ENTREP2: variants seen among roughly 807,000 people sequenced by gnomAD.
ENTREP2 encodes protein ENTREP2.
the ENTREP2 span, among the ~76,000 whole-genome samples, chr15:29,488,911 G>A: frequency 6.6e-6 from 1 of 152,138 alleles, no homozygotes; most frequent in Non-Finnish European, 1.5e-5. Context: ...TCAGAAACAG[G>A]TAACAATCCA....
chr15:29,672,334 T>C, the ENTREP2 span, among the ~76,000 whole-genome samples: 4 of 152,326 alleles, frequency 2.6e-5, no homozygotes, highest in Admixed American at 2.0e-4. Context: ...CACAATGGCA[T>C]GTACAATTTT....
chr15:29,534,975 G>A, the ENTREP2 span, among the ~76,000 whole-genome samples: 3 of 152,208 alleles, frequency 2.0e-5, no homozygotes, highest in Non-Finnish European at 4.4e-5. Context: ...GCCAGGCATG[G>A]TGGCTCACGC....
the ENTREP2 span, among the ~76,000 whole-genome samples, chr15:29,368,327 C>CAAAAA: frequency 7.2e-6 from 1 of 139,078 alleles, no homozygotes; most frequent in South Asian, 2.3e-4. Context: ...GACTCCATCT[C>CAAAAA]AAAAAAAAAA....
the ENTREP2 span, among the ~76,000 whole-genome samples, chr15:29,431,457 T>C: frequency 6.6e-6 from 1 of 151,926 alleles, no homozygotes; most frequent in Admixed American, 6.5e-5. Context: ...TTAAATTATA[T>C]TTAAATTAAT....
At chr15:29,158,678 C>T in the ENTREP2 span, among the ~76,000 whole-genome samples, 1 of 152,060 alleles carries the variant, frequency 6.6e-6, no homozygotes, top group Admixed American at 6.5e-5. Context: ...CTGAAATCCA[C>T]ATTCTATAAA....
the ENTREP2 span, among the ~76,000 whole-genome samples, chr15:29,394,880 C>CAT: frequency 1.5e-5 from 1 of 68,942 alleles, no homozygotes; most frequent in African/African-American, 5.0e-5. Flanking sequence ...GTGTCAGAAT[C>CAT]TCTTTTTTTT....
the ENTREP2 span, among the ~76,000 whole-genome samples, chr15:29,304,504 G>A: frequency 2.0e-5 from 3 of 152,048 alleles, no homozygotes; most frequent in African/African-American, 7.2e-5. Flanking sequence ...AAAACCATAC[G>A]ACTACATGGC....
chr15:29,673,276 C>A, the ENTREP2 span, among the ~76,000 whole-genome samples: 2 of 152,112 alleles, frequency 1.3e-5, no homozygotes, highest in African/African-American at 4.8e-5. Flanking sequence ...TCAGCAAGGT[C>A]TTTATGACCT....
chr15:29,293,427 T>C, the ENTREP2 span, among the ~76,000 whole-genome samples: 34 of 151,550 alleles, frequency 2.2e-4, no homozygotes, highest in East Asian at 6.4e-3. Flanking sequence ...TTTTGTATTT[T>C]TTTTTTTTTT....
the ENTREP2 span, among the ~76,000 whole-genome samples, chr15:29,311,978 T>C: frequency 6.6e-6 from 1 of 152,156 alleles, no homozygotes; most frequent in African/African-American, 2.4e-5. Flanking sequence ...GCACCAAAGG[T>C]ATGTGAAAAA....
chr15:29,393,206 TTGAC>T, the ENTREP2 span, among the ~76,000 whole-genome samples: 2 of 152,234 alleles, frequency 1.3e-5, no homozygotes, highest in Non-Finnish European at 1.5e-5. Context: ...TTGGAAGTGT[TTGAC>T]TGTGCATGCA....
the ENTREP2 span, among the ~76,000 whole-genome samples, chr15:29,422,771 A>T: frequency 7.2e-5 from 11 of 152,216 alleles, no homozygotes; most frequent in African/African-American, 2.4e-4. Flanking sequence ...TGTGAAACTT[A>T]GGTAAGAGAG....
At chr15:29,657,483 C>CGGGGGGGGGGGG in the ENTREP2 span, among the ~76,000 whole-genome samples, 18 of 69,424 alleles carry the variant, frequency 2.6e-4, no homozygotes, top group Middle Eastern at 7.5e-3. Context: ...GCTGGGGGGG[C>CGGGGGGGGGGGG]GGGGGGGGGG....
chr15:29,391,169 T>C, the ENTREP2 span, among the ~76,000 whole-genome samples: 2 of 152,086 alleles, frequency 1.3e-5, no homozygotes, highest in South Asian at 4.1e-4. Flanking sequence ...GCCTCTACCA[T>C]CTGTCTCTAC....
the ENTREP2 span, among the ~76,000 whole-genome samples, chr15:29,563,248 T>C: frequency 1.3e-5 from 2 of 152,368 alleles, no homozygotes; most frequent in East Asian, 3.9e-4. Flanking sequence ...TATGCTATTC[T>C]ATTGCTTTGT....
chr15:29,202,984 C>A, the ENTREP2 span, among the ~76,000 whole-genome samples: 1 of 152,164 alleles, frequency 6.6e-6, no homozygotes, highest in Non-Finnish European at 1.5e-5. Context: ...GATTTATAAT[C>A]CTTTGGGTAT....
chr15:29,438,655 CCTT>C, the ENTREP2 span, among the ~76,000 whole-genome samples: 1 of 152,100 alleles, frequency 6.6e-6, no homozygotes, highest in African/African-American at 2.4e-5. Flanking sequence ...ACCTTTATGA[CCTT>C]CTATCCCCAG....
the ENTREP2 span, among the ~76,000 whole-genome samples, chr15:29,299,434 C>T: frequency 6.6e-6 from 1 of 152,192 alleles, no homozygotes; most frequent in African/African-American, 2.4e-5. Context: ...CCCCAGGTCA[C>T]GTGGCTGCAG....
chr15:29,516,240 C>T, the ENTREP2 span, among the ~76,000 whole-genome samples: 1 of 152,108 alleles, frequency 6.6e-6, no homozygotes. Context: ...CCCAGGGAAA[C>T]GGTCACACAG....
Sources: gnomAD v4.1 joint callset for allele counts (sites outside exome capture counted in the v4.1 genomes callset) on GRCh38, gnomAD v4.1.1 for gene constraint, MANE v1.5 for transcripts, NCBI Gene and HGNC (gene_info 2026-07-23, HGNC 2026-07-21) for gene names.